The following CCDC102B variants were observed in gnomAD, a reference collection of about 807,000 sequenced individuals.
CCDC102B encodes the protein coiled-coil domain containing 102B.
CCDC102B carries 75 observed loss-of-function variants against 57.4 expected under a neutral mutation model. The observed-to-expected ratio is 1.31, with a 90% CI of 1.08 to 1.58. The LOEUF is 1.58. Among genes scored for constraint, CCDC102B ranks in the 40% most tolerant of loss-of-function variants. The pLI, the probability that CCDC102B is intolerant of heterozygous loss-of-function variation, is 0.00. For missense variants in CCDC102B, 636 were observed against 582.6 expected, an observed-to-expected ratio of 1.09 and a Z score of -0.94; for synonymous variants, 206 against 201.9, an observed-to-expected ratio of 1.02 and a Z score of -0.17.
intron 4 of CCDC102B, among the ~76,000 whole-genome samples, chr18:68,853,070 C>A (rs560156877): frequency 6.6e-6 from 1 of 152,292 alleles, no homozygotes; most frequent in Non-Finnish European, 1.5e-5. Context: ...ATTCTTACTT[C>A]CTTCTCTGAT....
intron 6 of CCDC102B, among the ~76,000 whole-genome samples, chr18:68,910,361 C>A (rs1347026768): frequency 6.6e-6 from 1 of 152,096 alleles, no homozygotes; most frequent in African/African-American, 2.4e-5. Flanking sequence ...GAGAGCAACT[C>A]TTTTTAGGAT....
intron 6 of CCDC102B, among the ~76,000 whole-genome samples, chr18:68,973,676 A>G (rs2050357699): frequency 6.6e-6 from 1 of 152,124 alleles, no homozygotes; most frequent in African/African-American, 2.4e-5. Context: ...TTTTCTTGTA[A>G]AATATCATTA....
intron 7 of CCDC102B, among the ~76,000 whole-genome samples, chr18:69,030,954 A>G (rs957599230): frequency 6.6e-6 from 1 of 152,108 alleles, no homozygotes; most frequent in African/African-American, 2.4e-5. Flanking sequence ...TGTCCTGCCC[A>G]GTGTATGTTT....
chr18:68,831,240 GA>G (rs891026817), intron 1 of CCDC102B, among the ~76,000 whole-genome samples: 5 of 151,918 alleles, frequency 3.3e-5, no homozygotes, highest in Non-Finnish European at 7.4e-5. Context: ...TAATTTTACT[GA>G]AAACCTAGCC....
At chr18:68,943,422 C>A (rs2049441969) in intron 6 of CCDC102B, among the ~76,000 whole-genome samples, 1 of 152,006 alleles carries the variant, frequency 6.6e-6, no homozygotes, top group Admixed American at 6.6e-5. Flanking sequence ...TGGTACTTTT[C>A]TAGGCTTTAT....
At chr18:68,966,590 TG>T (rs1269355886) in intron 6 of CCDC102B, among the ~76,000 whole-genome samples, 1 of 152,172 alleles carries the variant, frequency 6.6e-6, no homozygotes, top group Non-Finnish European at 1.5e-5. Flanking sequence ...CCTTTGGCTT[TG>T]GATCAACCTT....
At chr18:68,715,912 G>A (rs1005245897) in intron 1 of CCDC102B, among the ~76,000 whole-genome samples, 13 of 152,108 alleles carry the variant, frequency 8.5e-5, no homozygotes, top group African/African-American at 3.1e-4. Context: ...ACAGAAGGGG[G>A]ATATGATGTC....
chr18:69,022,531 AT>A (rs1039280796), intron 7 of CCDC102B, among the ~76,000 whole-genome samples: 38 of 149,898 alleles, frequency 2.5e-4, no homozygotes, highest in African/African-American at 3.2e-4. Context: ...AAAGAGCAAT[AT>A]TTTTTTTTCC....
intron 6 of CCDC102B, among the ~76,000 whole-genome samples, chr18:68,911,799 G>T (rs1237092916): frequency 7.7e-5 from 11 of 142,358 alleles, no homozygotes; most frequent in African/African-American, 2.6e-4. Context: ...TACCTAATAG[G>T]TACTAGGCTT....
chr18:68,969,457 C>G (rs960297443), intron 6 of CCDC102B, among the ~76,000 whole-genome samples: 5 of 147,656 alleles, frequency 3.4e-5, no homozygotes, highest in African/African-American at 1.2e-4. Context: ...TTTCTTATTT[C>G]TTTTTTTTTC....
rs200717909 is a variant in CCDC102B at position 68,791,592 on chromosome 18, CTA to C, written c.-66-31772_-66-31771del. On this transcript the variant is annotated intron_variant, in intron 2 of 3. Coordinates refer to the CCDC102B transcript ENST00000578970. ...TAATGTGTACAGACTACATAAATGA[CTA>C]TGTTTGAAATGTGTAAATAGAGTGT... is the stretch of plus-strand genomic sequence containing the variant. Among the ~76,000 whole-genome samples the C allele has an allele frequency of 5.3e-3, 794 of 150,664 alleles. 4 individuals are homozygous for C. Among genetic ancestry groups the C allele is most frequent in the East Asian group, 0.039 (200 of 5,130 alleles).
At chr18:68,786,374 G>A (rs1355539750) in intron 2 of CCDC102B, among the ~76,000 whole-genome samples, 4 of 128,982 alleles carry the variant, frequency 3.1e-5, no homozygotes, top group African/African-American at 6.0e-5. Context: ...AAAGTCATTG[G>A]TAGCTTGATG....
rs114915101 is a variant in CCDC102B, at chr18:68,866,267, C to T, written c.937-8402C>T. Among the ~76,000 whole-genome samples the T allele has an allele frequency of 2.9e-3, 447 of 151,970 alleles. 2 individuals carry two copies. The highest frequency in any genetic ancestry group is 0.01 in the African/African-American group (431 of 41,434). On this transcript the variant is annotated intron_variant, in intron 4 of 7. Transcript: ENST00000360242. ...TAATAGATACATACATACTTTATAC[C>T]CACATTTTTATGGCATATTACAGAG...
rs574232524 is a variant in CCDC102B at position 69,054,665 on chromosome 18, T to C, written c.*528T>C. ...TTTTATAAGTCATTTCTAATCTTTG[T>C]ATAAAACAGAAGTGAGCAGATGAAT... On this transcript the variant is annotated 3_prime_UTR_variant, in exon 8 of 8. Transcript: ENST00000360242. 2.0e-6 allele frequency: 2 copies of C among 981,352 alleles called. No homozygotes were observed. The highest frequency in any genetic ancestry group is 2.3e-4 in the East Asian group (2 of 8,776). 60.8% of individuals were successfully genotyped at this position (981,352 alleles called of 1,614,324 possible). A position where few individuals can be genotyped will look rare whatever the true frequency, so the allele number is the denominator to read the frequency against.
intron 6 of CCDC102B, among the ~76,000 whole-genome samples, chr18:68,959,555 G>A (rs887384757): frequency 6.6e-6 from 1 of 152,054 alleles, no homozygotes; most frequent in Non-Finnish European, 1.5e-5. Flanking sequence ...TCTGCAGTTT[G>A]CAACTCTAGC....
chr18:68,943,267 G>A (rs574169980), intron 6 of CCDC102B, among the ~76,000 whole-genome samples: 1 of 151,844 alleles, frequency 6.6e-6, no homozygotes, highest in Non-Finnish European at 1.5e-5. Flanking sequence ...TTTATTTTTT[G>A]TTCTTACTCA....
intron 6 of CCDC102B, among the ~76,000 whole-genome samples, chr18:68,999,367 C>A (rs138684170): frequency 6.6e-6 from 1 of 150,578 alleles, no homozygotes; most frequent in Non-Finnish European, 1.5e-5. Context: ...GAGGCTGAGG[C>A]GGATGGATCA....
At position 68,838,811 on chromosome 18, in the gene CCDC102B, A is replaced by G; in HGVS notation, c.712A>G (p.Lys238Glu). ...TGGTGGTTCTGGAAACGGTGAAACG[A>G]AAACTGGGCTGAGACTGAAAGCAAT... ...NNGGSGNGET[K>E]TGLRLKAINL... is the part of the protein sequence containing the mutation. The change falls in exon 3 of 8, where the codon AAA becomes GAA. Residue 238 changes from lysine (K) to glutamate (E), a missense_variant. Lys to Glu is a moderately conservative substitution (Grantham distance 56, BLOSUM62 1). Transcript: ENST00000360242. 1.9e-6 allele frequency: 3 copies of G among 1,614,060 alleles called. No individual in the cohort carries two copies. The highest frequency in any genetic ancestry group is 2.5e-6 in the Non-Finnish European group (3 of 1,179,976).
chr18:68,872,362 G>A (rs182187378), intron 4 of CCDC102B, among the ~76,000 whole-genome samples: 156 of 152,118 alleles, frequency 1.0e-3, no homozygotes, highest in African/African-American at 3.6e-3. Context: ...AACAGGCACC[G>A]GGACCAAACT....
Sources: allele counts gnomAD v4.1 joint callset (sites outside exome capture counted in the v4.1 genomes callset), GRCh38; gene constraint gnomAD v4.1.1; transcripts MANE v1.5; gene names NCBI Gene and HGNC (gene_info 2026-07-23, HGNC 2026-07-21).